The following FAM83B variants were observed in gnomAD, a reference collection of about 807,000 sequenced individuals.
FAM83B encodes protein FAM83B.
In FAM83B, 26 loss-of-function variants were observed where a neutral mutation model predicts 38.8. That is an observed-to-expected ratio of 0.67 (90% confidence interval 0.49 to 0.93). FAM83B has a LOEUF of 0.93. Ranked by LOEUF, FAM83B falls within the 40% of genes least tolerant of loss-of-function variation. The probability of loss-of-function intolerance (pLI) is 0.00; values close to 1 mark genes in which losing one functional copy is unlikely to be tolerated. For missense variants in FAM83B, 1,237 were observed against 1,197.3 expected (o/e 1.03, Z -0.49); for synonymous variants, 419 against 423.1 (o/e 0.99, Z 0.12).
chr6:54,857,778 TA>T (rs1181616665), intron 1 of FAM83B, among the ~76,000 whole-genome samples: 1 of 152,142 alleles, frequency 6.6e-6, no homozygotes, highest in Non-Finnish European at 1.5e-5. Flanking sequence ...TAATAAGTGT[TA>T]TAAGTTAGAG....
chr6:54,864,048 G>A (rs1044017523), intron 1 of FAM83B, among the ~76,000 whole-genome samples: 16 of 152,062 alleles, frequency 1.1e-4, no homozygotes, highest in African/African-American at 3.6e-4. Context: ...AGCTCTCTCT[G>A]TAAATGGTTT....
At chr6:54,897,383 A>G (rs1185840785) in intron 2 of FAM83B, among the ~76,000 whole-genome samples, 1 of 152,200 alleles carries the variant, frequency 6.6e-6, no homozygotes, top group Non-Finnish European at 1.5e-5. Flanking sequence ...TGTTACAAAT[A>G]GGAAAGCCTT....
intron 2 of FAM83B, among the ~76,000 whole-genome samples, chr6:54,888,659 T>G (rs1445920895): frequency 6.6e-6 from 1 of 152,028 alleles, no homozygotes; most frequent in Admixed American, 6.6e-5. Context: ...TTTCTCTGTC[T>G]ACTTTTAAGG....
chr6:54,935,267 G>A (rs1198787386), intron 4 of FAM83B, among the ~76,000 whole-genome samples: 1 of 152,092 alleles, frequency 6.6e-6, no homozygotes, highest in Non-Finnish European at 1.5e-5. Flanking sequence ...CAAGATTGCT[G>A]AGCTAAATTT....
intron 2 of FAM83B, among the ~76,000 whole-genome samples, chr6:54,917,059 A>G (rs1773060843): frequency 6.6e-6 from 1 of 152,190 alleles, no homozygotes; most frequent in African/African-American, 2.4e-5. Flanking sequence ...AGTCATAAAC[A>G]GTTATTCCCT....
chr6:54,885,800 C>T (rs1004776909), intron 2 of FAM83B, among the ~76,000 whole-genome samples: 3 of 141,690 alleles, frequency 2.1e-5, no homozygotes, highest in Non-Finnish European at 4.5e-5. Context: ...GGGAACATCA[C>T]ACACCGGGGA....
intron 1 of FAM83B, among the ~76,000 whole-genome samples, chr6:54,867,633 C>T (rs773422896): frequency 5.3e-5 from 8 of 151,832 alleles, no homozygotes; most frequent in Non-Finnish European, 8.8e-5. Context: ...TTTTTTTCTT[C>T]AGATTAATTT....
At chr6:54,884,419 T>C (rs1256172367) in intron 2 of FAM83B, among the ~76,000 whole-genome samples, 1 of 148,246 alleles carries the variant, frequency 6.7e-6, no homozygotes, top group East Asian at 2.0e-4. Context: ...GGGGCGGAGG[T>C]TGTAGTGAGC....
At chr6:54,900,091 G>A (rs1044376562) in intron 2 of FAM83B, among the ~76,000 whole-genome samples, 7 of 152,110 alleles carry the variant, frequency 4.6e-5, no homozygotes, top group African/African-American at 1.7e-4. Flanking sequence ...ATTAACATTT[G>A]TTATGCAAAA....
chr6:54,865,751 G>C (rs1771685148), intron 1 of FAM83B, among the ~76,000 whole-genome samples: 1 of 152,066 alleles, frequency 6.6e-6, no homozygotes, highest in African/African-American at 2.4e-5. Flanking sequence ...TATTACATCA[G>C]AAGCCTATTC....
At chr6:54,917,910 A>G (rs1773082471) in intron 2 of FAM83B, among the ~76,000 whole-genome samples, 3 of 152,126 alleles carry the variant, frequency 2.0e-5, no homozygotes, top group Non-Finnish European at 2.9e-5. Flanking sequence ...TATCAGATGT[A>G]TCTGTTTTTA....
intron 4 of FAM83B, among the ~76,000 whole-genome samples, chr6:54,935,387 T>C (rs1773504472): frequency 6.6e-6 from 1 of 152,090 alleles, no homozygotes; most frequent in African/African-American, 2.4e-5. Flanking sequence ...TAAAGCATGA[T>C]CAGATGGATA....
At chr6:54,876,746 T>A (rs962860269) in intron 2 of FAM83B, among the ~76,000 whole-genome samples, 2 of 152,086 alleles carry the variant, frequency 1.3e-5, no homozygotes, top group African/African-American at 4.8e-5. Context: ...AAATAAGCAG[T>A]GAGAAACAAT....
chr6:54,846,916 C>CG (rs1210337912), intron 1 of FAM83B, 90 bp downstream of exon 1: 1 of 151,448 alleles, frequency 6.6e-6, no homozygotes, highest in Non-Finnish European at 1.5e-5. Context: ...ACTGGGGGGG[C>CG]CCGGGGCTTC....
chr6:54,855,766 G>A (rs2127572075), intron 1 of FAM83B, among the ~76,000 whole-genome samples: 1 of 152,254 alleles, frequency 6.6e-6, no homozygotes. Context: ...CAAAAAGTGG[G>A]GGCAGGAGCC....
chr6:54,890,427 A>G (rs1213194717), intron 2 of FAM83B, among the ~76,000 whole-genome samples: 1 of 152,114 alleles, frequency 6.6e-6, no homozygotes, highest in Non-Finnish European at 1.5e-5. Context: ...TAGTTTCACA[A>G]TAGTAAAATT....
At chr6:54,875,023 A>G (rs1771957752) in intron 2 of FAM83B, among the ~76,000 whole-genome samples, 1 of 152,196 alleles carries the variant, frequency 6.6e-6, no homozygotes, top group Non-Finnish European at 1.5e-5. Flanking sequence ...GTGAGCTGAT[A>G]TTATAAAAGT....
chr6:54,900,117 G>T (rs1336357727), intron 2 of FAM83B, among the ~76,000 whole-genome samples: 2 of 152,162 alleles, frequency 1.3e-5, no homozygotes, highest in Non-Finnish European at 2.9e-5. Flanking sequence ...TGTACATGAA[G>T]TTTTTGTTGT....
chr6:54,888,406 C>G (rs1055259098), intron 2 of FAM83B, among the ~76,000 whole-genome samples: 72 of 151,902 alleles, frequency 4.7e-4, no homozygotes, highest in African/African-American at 1.6e-3. Flanking sequence ...CTAAAGAATT[C>G]CCTTTAGGAT....
Sources: allele counts gnomAD v4.1 joint callset (sites outside exome capture counted in the v4.1 genomes callset), GRCh38; gene constraint gnomAD v4.1.1; transcripts MANE v1.5; gene names NCBI Gene and HGNC (gene_info 2026-07-23, HGNC 2026-07-21).